The following ATG3 variants were observed in gnomAD, a reference collection of about 807,000 sequenced individuals.
ATG3 encodes the protein ubiquitin-like-conjugating enzyme ATG3.
Under a neutral mutation model 50.7 loss-of-function variants are expected in ATG3, and 25 were observed. The observed-to-expected ratio is 0.49, with a 90% CI of 0.36 to 0.69. The LOEUF is 0.69. ATG3 is among the 30% of genes least tolerant of loss of function. The pLI is 0.00. For synonymous variants in ATG3, 119 were observed against 125.5 expected (o/e 0.95, Z 0.34); for missense variants, 281 against 376.0 (o/e 0.75, Z 2.09).
At chr3:112,533,078 CAAAATGTACTCATTT>C in intron 11 of ATG3, 1 of 1,023,180 alleles carries the variant, frequency 9.8e-7, no homozygotes, top group African/African-American at 1.7e-5. Flanking sequence ...TAAATGAGTA[CAAAATGTACTCATTT>C]ACTAGACTCC....
At chr3:112,533,279 T>C (rs763875348) in intron 11 of ATG3, 6 of 984,794 alleles carry the variant, frequency 6.1e-6, no homozygotes, top group Non-Finnish European at 7.2e-6. Context: ...ATTCTGAAAT[T>C]TTTTTATGTT....
intron 10 of ATG3, chr3:112,535,181 A>C (rs1932991032): frequency 6.6e-6 from 1 of 152,152 alleles, no homozygotes; most frequent in African/African-American, 2.4e-5. Context: ...GGCTTAAATA[A>C]TGCTGCTTCA....
At chr3:112,532,895 C>T (rs1576710473) in intron 11 of ATG3, 115 bp from the exon 12 acceptor site, 1 of 1,324,130 alleles carries the variant, frequency 7.6e-7, no homozygotes, top group East Asian at 2.9e-5. Context: ...CCCACAAAAT[C>T]TTAAATTAAG....
At chr3:112,534,911 T>A (rs1440183709) in intron 10 of ATG3, 1 of 152,064 alleles carries the variant, frequency 6.6e-6, no homozygotes, top group East Asian at 1.9e-4. Flanking sequence ...GCTAATTGGT[T>A]AGAGTTGAGA....
At chr3:112,538,025 T>A in intron 8 of ATG3, 121 bp downstream of exon 8, 1 of 1,198,496 alleles carries the variant, frequency 8.3e-7, no homozygotes. Flanking sequence ...CTACGTTTTA[T>A]ATGCTATAAT....
intron 2 of ATG3, among the ~76,000 whole-genome samples, chr3:112,553,942 C>T (rs181820947): frequency 6.6e-6 from 1 of 152,130 alleles, no homozygotes; most frequent in Admixed American, 6.5e-5. Context: ...TCTGAAAACA[C>T]CTACAAAATT....
chr3:112,534,422 G>T, intron 10 of ATG3, 85 bp from the exon 11 acceptor site: 1 of 1,133,850 alleles, frequency 8.8e-7, no homozygotes, highest in South Asian at 2.0e-5. Flanking sequence ...TAAAGAAATC[G>T]ACCCTATTAC....
At chr3:112,545,871 C>T (rs1165160976) in intron 5 of ATG3, among the ~76,000 whole-genome samples, 2 of 152,104 alleles carry the variant, frequency 1.3e-5, no homozygotes, top group Non-Finnish European at 2.9e-5. Context: ...CTAGATATTG[C>T]TGAAGGTATT....
intron 9 of ATG3, 148 bp from the exon 10 acceptor site, chr3:112,536,750 T>C (rs1933062864): frequency 1.4e-6 from 1 of 726,250 alleles, no homozygotes; most frequent in African/African-American, 1.8e-5. Flanking sequence ...TGAAACACCG[T>C]CTCTACTAAG....
intron 10 of ATG3, chr3:112,534,622 A>G (rs1014568007): frequency 3.8e-5 from 7 of 182,002 alleles, no homozygotes; most frequent in Admixed American, 1.2e-4. Flanking sequence ...TTAAAAAGCT[A>G]TGGTAGTCAC....
chr3:112,536,107 A>C, intron 10 of ATG3: 1 of 209,844 alleles, frequency 4.8e-6, no homozygotes. Flanking sequence ...GTCTACATTC[A>C]CAGAAAGGCA....
chr3:112,534,885 A>T (rs1264566035), intron 10 of ATG3: 1 of 152,012 alleles, frequency 6.6e-6, no homozygotes, highest in African/African-American at 2.4e-5. Flanking sequence ...GCCAAAACTG[A>T]GAGGGTTTAA....
At chr3:112,533,452 G>C (rs997975675) in intron 11 of ATG3, 1 of 985,248 alleles carries the variant, frequency 1.0e-6, no homozygotes, top group Non-Finnish European at 1.2e-6. Context: ...TGGACTGGAA[G>C]TTTTTGGTTT....
chr3:112,540,883 T>A (rs558071163), intron 7 of ATG3, among the ~76,000 whole-genome samples: 2 of 152,214 alleles, frequency 1.3e-5, no homozygotes, highest in African/African-American at 4.8e-5. Flanking sequence ...TACTTTTAAA[T>A]ATCTGAGGTT....
At chr3:112,553,131 TG>T in intron 3 of ATG3, 148 bp downstream of exon 3, 1 of 660,792 alleles carries the variant, frequency 1.5e-6, no homozygotes, top group Admixed American at 2.7e-5. Context: ...TCCTTTATTT[TG>T]AAGGGGCATT....
In ATG3 at chr3:112,536,458, T is replaced by G. The variant is rs775109712; in HGVS notation, c.794+17A>C. ...ACAATCACATCAAAAAATATATTTA[T>G]CTCTACATATACAGACCTGCATGGG... On this transcript the variant is annotated intron_variant, in intron 10 of 11. Coordinates refer to ENST00000283290, the MANE Select transcript of ATG3 (RefSeq NM_022488.5). The G allele has an allele frequency of 6.2e-7, 1 of 1,608,878 alleles. No individual in the cohort carries two copies. The highest frequency in any genetic ancestry group is 8.5e-7 in the Non-Finnish European group (1 of 1,175,354).
At chr3:112,536,837 C>A (rs897112847) in intron 9 of ATG3, 2 of 232,570 alleles carry the variant, frequency 8.6e-6, no homozygotes, top group South Asian at 6.7e-5. Flanking sequence ...AGGAGAATGG[C>A]GTAAACCCGG....
chr3:112,533,831 G>C, intron 11 of ATG3: 1 of 987,046 alleles, frequency 1.0e-6, no homozygotes, highest in Non-Finnish European at 1.2e-6. Flanking sequence ...TATATTTTAA[G>C]AATATCTAAA....
At chr3:112,542,548 G>A (rs938511765) in intron 6 of ATG3, among the ~76,000 whole-genome samples, 1 of 151,866 alleles carries the variant, frequency 6.6e-6, no homozygotes, top group African/African-American at 2.4e-5. Context: ...ACTTAGGGGT[G>A]GTTTAATTTA....
Sources: allele counts gnomAD v4.1 joint callset (sites outside exome capture counted in the v4.1 genomes callset), GRCh38; gene constraint gnomAD v4.1.1; transcripts MANE v1.5; gene names NCBI Gene and HGNC (gene_info 2026-07-23, HGNC 2026-07-21).